TLN1: variants seen among roughly 807,000 people sequenced by gnomAD.
TLN1 encodes the protein talin-1.
A neutral mutation model predicts 292.3 loss-of-function variants in TLN1; 56 were observed. The observed-to-expected ratio is 0.19, with a 90% CI of 0.15 to 0.24. The LOEUF is 0.24. Among genes scored for constraint, TLN1 ranks in the 10% least tolerant of loss-of-function variants. TLN1 has a pLI of 1.00. For synonymous variants in TLN1, 1,119 were observed against 1,253.7 expected, an observed-to-expected ratio of 0.89 and a Z score of 2.27; for missense variants, 2,433 against 3,248.2, an observed-to-expected ratio of 0.75 and a Z score of 6.10.
In TLN1 at chr9:35,719,946, T is replaced by C. The variant is rs1296037423; in HGVS notation, c.1464+93A>G. ...CCAGGGTCTAGGGAGAGAATACAAA[T>C]AGGGACCTGGGAAAAGACTGCCTAA... On this transcript the variant is annotated intron_variant, in intron 13 of 56. Coordinates refer to ENST00000314888, the MANE Select transcript of TLN1 (RefSeq NM_006289.4). The surrounding 1 kb of genome is among the most constrained non-coding windows in gnomAD (Gnocchi z 4.6). 4 of 1,586,842 alleles carry C rather than the reference T, an allele frequency of 2.5e-6. No individual in the cohort carries two copies. Among genetic ancestry groups the C allele is most frequent in the East Asian group, 4.5e-5 (2 of 44,348 alleles).
At chr9:35,703,960 C>G in intron 46 of TLN1, 31 bp downstream of exon 46, 1 of 1,612,684 alleles carries the variant, frequency 6.2e-7, no homozygotes, top group Non-Finnish European at 8.5e-7. Context: ...GGAAGTGATT[C>G]CAGCCGGAAT....
At position 35,711,796 on chromosome 9, in the gene TLN1, C is replaced by T. The variant is rs1176791333; in HGVS notation, c.3682-4G>A. The T allele has an allele frequency of 3.6e-5, 58 of 1,613,702 alleles. No individual in the cohort carries two copies. The highest frequency in any genetic ancestry group is 4.8e-5 in the Non-Finnish European group (57 of 1,180,000). On this transcript the variant is annotated splice_polypyrimidine_tract_variant and splice_region_variant and intron_variant, in intron 28 of 56. Coordinates refer to ENST00000314888, the MANE Select transcript of TLN1 (RefSeq NM_006289.4). ...ATGTCCCAGTGCTAGGAGGAAGCTG[C>T]AAGGTGAGAGGGGAAGTCAGACAGA...
rs767957346 is a variant in TLN1 at position 35,717,114 on chromosome 9, GT to G, written c.2458+31del. On this transcript the variant is annotated intron_variant, in intron 19 of 56. Coordinates refer to ENST00000314888, the MANE Select transcript of TLN1 (RefSeq NM_006289.4). This position sits in a 1 kb window ranked among gnomAD's most constrained non-coding sequence, Gnocchi z 4.7. ...AGTGGGCTTAGGGAACCCTGGTAGG[GT>G]TTTTTGTTTTCCTGGGGGTGCGTGT... is the stretch of plus-strand genomic sequence containing the variant. The G allele has an allele frequency of 6.4e-7, 1 of 1,566,970 alleles. No homozygotes were observed. Among genetic ancestry groups the G allele is most frequent in the Non-Finnish European group, 8.7e-7 (1 of 1,151,870 alleles).
intron 43 of TLN1, 38 bp downstream of exon 43, chr9:35,705,513 A>AGGGGCAG (rs1554661497): frequency 5.9e-6 from 9 of 1,532,640 alleles, no homozygotes; most frequent in Non-Finnish European, 7.9e-6. Context: ...ATCAGGAACA[A>AGGGGCAG]GGGGCAGGGG....
rs757448438 is a variant in TLN1, at chr9:35,711,608, G to C, written c.3866C>G (p.Ala1289Gly). 3 of 1,613,792 alleles carry C rather than the reference G, an allele frequency of 1.9e-6. No homozygotes were observed. Among genetic ancestry groups the C allele is most frequent in the Non-Finnish European group, 2.5e-6 (3 of 1,180,032 alleles). ...STFLEAGVEM[A>G]GQAPSQEDRA... ...GCCTCTTCATACCGGAGCCTGGCCT[G>C]CCATCTCCACACCAGCTTCCAGGAA... Residue 1289 changes from alanine (A) to glycine (G), a missense_variant, in exon 29 of 57, where the codon GCA becomes GGA. By Grantham distance (60) the Ala-to-Gly change is moderately conservative (BLOSUM62 0). Transcript: ENST00000314888.
rs543352574 is a variant in TLN1 at position 35,717,069 on chromosome 9, T to A, written c.2458+77A>T. 2 of 1,504,618 alleles carry A rather than the reference T, an allele frequency of 1.3e-6. No homozygotes were observed. Among genetic ancestry groups the A allele is most frequent in the African/African-American group, 2.8e-5 (2 of 71,890 alleles). The allele number at this position is 1,504,618 out of a possible 1,614,324, so 93.2% of individuals were successfully genotyped here. A position where few individuals can be genotyped will look rare whatever the true frequency, so the allele number is the denominator to read the frequency against. On this transcript the variant is annotated intron_variant, in intron 19 of 56. Coordinates refer to ENST00000314888, the MANE Select transcript of TLN1 (RefSeq NM_006289.4). This position sits in a 1 kb window ranked among gnomAD's most constrained non-coding sequence, Gnocchi z 4.7. ...AGTTCCTTGGGGTGAAGTGGTTAGG[T>A]CCGCAAGGGGATGATGTCCAGTGGG...
At chr9:35,726,946 C>T (rs1825987787) in intron 1 of TLN1, among the ~76,000 whole-genome samples, 1 of 152,248 alleles carries the variant, frequency 6.6e-6, no homozygotes, top group Non-Finnish European at 1.5e-5. Flanking sequence ...TTCTCCTCTT[C>T]AGCAAGTCTG....
chr9:35,723,965 C>G lies in TLN1; in HGVS notation c.769G>C (p.Ala257Pro). ...TGGGTCACTCACTCAAGGAAGCCAG[C>G]CTTGTGCTTCTGCTCATTGTGGGGC... ...FGPHNEQKHK[A>P]GFLDLKDFLP... Residue 257 changes from alanine to proline, a missense_variant, in exon 7 of 57, where the codon GCT becomes CCT. Ala to Pro is a conservative substitution (Grantham distance 27). This residue lies in a region of TLN1 where 78 missense variants were observed against 88.8 expected (regional missense o/e 0.88). Transcript: ENST00000314888. 1.2e-6 allele frequency: 2 copies of G among 1,614,090 alleles called. No homozygotes were observed. The highest frequency in any genetic ancestry group is 1.7e-6 in the Non-Finnish European group (2 of 1,179,986).
At position 35,719,425 on chromosome 9, in the gene TLN1, G is replaced by A. The variant is rs962275357; in HGVS notation, c.1687+94C>T. On this transcript the variant is annotated intron_variant, in intron 15 of 56. Transcript: ENST00000314888. This position sits in a 1 kb window ranked among gnomAD's most constrained non-coding sequence, Gnocchi z 4.6. The stretch of plus-strand genomic sequence containing the variant: ...CACAGTCCCTTCCACAGTGAGTCAA[G>A]GCACAGTCACACATGAAGCCAGTCA... 1.5e-6 allele frequency: 2 copies of A among 1,363,582 alleles called. No individual in the cohort carries two copies. The highest frequency in any genetic ancestry group is 1.7e-5 in the Admixed American group (1 of 59,470). 84.5% of individuals were successfully genotyped at this position (1,363,582 alleles called of 1,614,324 possible).
At chr9:35,730,770 G>C (rs959297316) in intron 1 of TLN1, among the ~76,000 whole-genome samples, 5 of 152,108 alleles carry the variant, frequency 3.3e-5, no homozygotes, top group Non-Finnish European at 7.4e-5. Context: ...TCAGGGATGA[G>C]AGTTGGAGAG....
Position 35,719,659 on chromosome 9 carries a change from G to A in TLN1, c.1579-32C>T. On this transcript the variant is annotated intron_variant, in intron 14 of 56. Coordinates refer to ENST00000314888, the MANE Select transcript of TLN1 (RefSeq NM_006289.4). This position sits in a 1 kb window ranked among gnomAD's most constrained non-coding sequence, Gnocchi z 4.6. ...GAGAGAGGAAAAGCCTTCAGGATCT[G>A]CCCTGGTTTGGTTCACCTCATCCCT... 6.2e-7 allele frequency: 1 copy of A among 1,612,054 alleles called. No individual in the cohort carries two copies. The highest frequency in any genetic ancestry group is 1.1e-5 in the South Asian group (1 of 91,046).
chr9:35,720,779 G>A (rs767965501), intron 11 of TLN1, 33 bp downstream of exon 11: 13 of 1,589,610 alleles, frequency 8.2e-6, no homozygotes, highest in South Asian at 6.6e-5. Context: ...GGCAAGAGGC[G>A]ATAAGGAGAA....
Position 35,705,763 on chromosome 9 carries a change from G to A in TLN1, c.5600C>T (p.Thr1867Ile), listed in dbSNP as rs146471988. 1.9e-4 allele frequency: 303 copies of A among 1,614,104 alleles called. No homozygotes were observed. The highest frequency in any genetic ancestry group is 2.5e-4 in the Non-Finnish European group (296 of 1,180,040). ...MVRTAKAIAV[T>I]VQEMVTKSNT... is the part of the protein sequence containing the mutation. ...GCCCAAACTCACCATCTCCTGAACG[G>A]TCACTGCAATGGCCTTGGCTGTCCG... is the stretch of plus-strand genomic sequence containing the variant. Residue 1867 changes from threonine (T) to isoleucine (I), a missense_variant, in exon 42 of 57, where the codon ACC (threonine) becomes ATC (isoleucine). Coordinates refer to ENST00000314888, the MANE Select transcript of TLN1 (RefSeq NM_006289.4).
Position 35,719,749 on chromosome 9 carries a change from G to T in TLN1, c.1569C>A (p.Gly523=). The part of the protein sequence containing the change: ...LDDFDTLPPL[G]QDAASKAWRK... ...TCCATCCCATACTTACAGCATCCTG[G>T]CCAAGAGGCGGCAGAGTGTCAAAGT... The change falls in exon 14 of 57, where the codon GGC becomes GGA. Residue 523 remains glycine, a synonymous_variant. Transcript: ENST00000314888. The surrounding 1 kb of genome is among the most constrained non-coding windows in gnomAD (Gnocchi z 4.6). 1 of 1,609,238 alleles carries T rather than the reference G, an allele frequency of 6.2e-7. No homozygotes were observed. The highest frequency in any genetic ancestry group is 8.5e-7 in the Non-Finnish European group (1 of 1,177,664).
rs76339354 is a variant in TLN1 at position 35,712,802 on chromosome 9, G to A, written c.3561+33C>T. 4,787 of 1,537,896 alleles carry A rather than the reference G, an allele frequency of 3.1e-3. 115 individuals carry two copies. The African/African-American group carries it at 0.057, about 18-fold the overall frequency. ...GGGTGGGCCTTATGAAGGAACCTGG[G>A]GGAGAGGGAGTGGCCCTTTCCCAGT... is the stretch of plus-strand genomic sequence containing the variant. On this transcript the variant is annotated intron_variant, in intron 27 of 56. Transcript: ENST00000314888.
intron 20 of TLN1, 61 bp from the exon 21 acceptor site, chr9:35,715,248 C>T: frequency 6.3e-7 from 1 of 1,586,942 alleles, no homozygotes; most frequent in Non-Finnish European, 8.5e-7. Context: ...AAAGAAGCTC[C>T]TCTCTCACTC....
rs11541909 is a variant in TLN1, at chr9:35,706,010, A to G, written c.5463T>C (p.Ala1821=). ...AGTCCACCATGCCACCCACGACCCC[A>G]GCAGCACTGGCTGCCTCGTTGAGGG... is the stretch of plus-strand genomic sequence containing the variant. The part of the protein sequence containing the change: ...TTTLNEAASA[A]GVVGGMVDSI... Residue 1821 remains alanine (A), a synonymous_variant, in exon 41 of 57, where the codon GCT becomes GCC. Transcript: ENST00000314888. The surrounding 1 kb of genome is among the most constrained non-coding windows in gnomAD (Gnocchi z 4.2). 4,863 of 1,614,238 alleles carry G rather than the reference A, an allele frequency of 3.0e-3. 10 individuals carry two copies. The highest frequency in any genetic ancestry group is 7.4e-3 in the Middle Eastern group (45 of 6,060).
chr9:35,715,217 C>T (rs761580704), intron 20 of TLN1, 30 bp from the exon 21 acceptor site: 1 of 1,603,538 alleles, frequency 6.2e-7, no homozygotes, highest in Non-Finnish European at 8.5e-7. Context: ...ACAGTCATCA[C>T]CCAGCTCTCC....
In TLN1 at chr9:35,717,925, G is replaced by T; in HGVS notation, c.1996-139C>A. 1 of 1,004,178 alleles carries T rather than the reference G, an allele frequency of 1.0e-6. No individual in the cohort carries two copies. The highest frequency in any genetic ancestry group is 1.6e-5 in the African/African-American group (1 of 61,400). The allele number at this position is 1,004,178 out of a possible 1,614,324, so 62.2% of individuals were successfully genotyped here. A position where few individuals can be genotyped will look rare whatever the true frequency, so the allele number is the denominator to read the frequency against. ...CGCAGAAGCAACCAGAACCTACCCC[G>T]AGCTACTGCCCTGAGCACCCAGCAG... On this transcript the variant is annotated intron_variant, in intron 17 of 56. Transcript: ENST00000314888. This position sits in a 1 kb window ranked among gnomAD's most constrained non-coding sequence, Gnocchi z 4.7.
Sources: allele counts gnomAD v4.1 joint callset (sites outside exome capture counted in the v4.1 genomes callset), GRCh38; gene constraint gnomAD v4.1.1; regional missense constraint gnomAD v4.1.1; non-coding constraint Gnocchi (gnomAD v3.1); transcripts MANE v1.5; gene names NCBI Gene and HGNC (gene_info 2026-07-23, HGNC 2026-07-21).